Variants in FAT3 observed in about 807,000 individuals in gnomAD.
FAT3 encodes the protein FAT atypical cadherin 3.
In FAT3, 95 loss-of-function variants were observed where a neutral mutation model predicts 310.2. That is an observed-to-expected ratio of 0.31 (90% CI 0.26 to 0.36). FAT3 has a LOEUF of 0.36. Ranked by LOEUF, FAT3 falls within the 10% of genes least tolerant of loss-of-function variation. FAT3 has a pLI of 1.00. For missense variants in FAT3, 5,408 were observed against 5,715.6 expected (o/e 0.95, Z 1.74); for synonymous variants, 2,314 against 2,192.9 (o/e 1.06, Z -1.54).
intron 3 of FAT3, among the ~76,000 whole-genome samples, chr11:92,541,480 G>T (rs181090366): frequency 6.6e-6 from 1 of 152,234 alleles, no homozygotes; most frequent in African/African-American, 2.4e-5. Flanking sequence ...ACTTGCCTCT[G>T]AGGAATTGAA....
Position 92,354,236 on chromosome 11 carries a change from G to A in FAT3, c.2124G>A (p.Leu708=), listed in dbSNP as rs1250052961. The A allele has an allele frequency of 1.2e-6, 2 of 1,613,714 alleles. No individual in the cohort carries two copies. The highest frequency in any genetic ancestry group is 1.7e-6 in the Non-Finnish European group (2 of 1,179,844). ...CAAAAGCAAATGGGAAACTGAATCT[G>A]GAAGATGGATTTCTTGACTTTTATT... is the stretch of plus-strand genomic sequence containing the variant. The part of the protein sequence containing the change: ...IKAKANGKLN[L]EDGFLDFYSI... The change falls in exon 2 of 28, where the codon CTG becomes CTA. Residue 708 remains leucine (L), a synonymous_variant. Coordinates refer to ENST00000525166, the MANE Select transcript of FAT3 (RefSeq NM_001367949.2).
chr11:92,644,194 A>G (rs1021106739), intron 3 of FAT3, among the ~76,000 whole-genome samples: 7 of 152,202 alleles, frequency 4.6e-5, no homozygotes, highest in African/African-American at 1.7e-4. Flanking sequence ...ATTGACATAT[A>G]GCATCTCTTT....
At chr11:92,294,854 C>A (rs1946807149) in intron 1 of FAT3, among the ~76,000 whole-genome samples, 1 of 152,036 alleles carries the variant, frequency 6.6e-6, no homozygotes, top group South Asian at 2.1e-4. Flanking sequence ...GGCATGCATT[C>A]CTCTCTGTTT....
intron 7 of FAT3, among the ~76,000 whole-genome samples, chr11:92,786,974 C>T (rs950046310): frequency 2.0e-5 from 3 of 152,162 alleles, no homozygotes; most frequent in Non-Finnish European, 4.4e-5. Context: ...ACACTACTGA[C>T]ATTTTGGGTC....
intron 2 of FAT3, among the ~76,000 whole-genome samples, chr11:92,491,147 A>G (rs1233869879): frequency 6.6e-6 from 1 of 152,046 alleles, no homozygotes; most frequent in African/African-American, 2.4e-5. Context: ...TGATTCCTCT[A>G]CTTAGATGTC....
intron 2 of FAT3, among the ~76,000 whole-genome samples, chr11:92,501,068 G>A (rs1277126390): frequency 2.6e-5 from 4 of 151,988 alleles, no homozygotes; most frequent in Non-Finnish European, 5.9e-5. Context: ...GACTGATAGT[G>A]CACAAGAAGG....
intron 4 of FAT3, among the ~76,000 whole-genome samples, chr11:92,745,625 A>G (rs1343266808): frequency 6.6e-6 from 1 of 152,046 alleles, no homozygotes; most frequent in Non-Finnish European, 1.5e-5. Context: ...AGGATGGGAA[A>G]TACTTTATTT....
At chr11:92,495,791 C>T (rs1952736160) in intron 2 of FAT3, among the ~76,000 whole-genome samples, 1 of 152,010 alleles carries the variant, frequency 6.6e-6, no homozygotes, top group African/African-American at 2.4e-5. Context: ...ACACTATGTA[C>T]ACAGTGTACT....
chr11:92,293,599 T>C (rs1946770284), intron 1 of FAT3, among the ~76,000 whole-genome samples: 1 of 147,878 alleles, frequency 6.8e-6, no homozygotes. Flanking sequence ...CATATTCTTT[T>C]ATTTAATATA....
intron 1 of FAT3, among the ~76,000 whole-genome samples, chr11:92,257,422 G>T (rs552366867): frequency 6.6e-6 from 1 of 152,098 alleles, no homozygotes; most frequent in Non-Finnish European, 1.5e-5. Flanking sequence ...CTGGAAAATT[G>T]CTGGAGAGTG....
Position 92,762,077 on chromosome 11 carries a change from T to C in FAT3, c.3891T>C (p.Asp1297=). 1.2e-6 allele frequency: 2 copies of C among 1,613,964 alleles called. No individual in the cohort carries two copies. Among genetic ancestry groups the C allele is most frequent in the Non-Finnish European group, 1.7e-6 (2 of 1,179,868 alleles). The change falls in exon 5 of 28, where the codon GAT becomes GAC. Residue 1297 remains aspartate, a synonymous_variant. Transcript: ENST00000525166. ...PNAEISYSIV[D]GNDDGKFFID... Reference sequence around the variant, plus strand: ...CAGAAATCTCCTACAGTATTGTGGATGGGAATGATGACGGAAAGTTCTTTA... The same window carrying C: ...CAGAAATCTCCTACAGTATTGTGGACGGGAATGATGACGGAAAGTTCTTTA...
intron 2 of FAT3, among the ~76,000 whole-genome samples, chr11:92,432,992 G>A (rs1247804099): frequency 6.6e-6 from 1 of 152,178 alleles, no homozygotes; most frequent in Non-Finnish European, 1.5e-5. Flanking sequence ...ACTACGTTGG[G>A]CTCTGTCCAG....
chr11:92,844,075 A>G lies in FAT3; in HGVS notation c.10708A>G (p.Ile3570Val). ...TMEDDFPGGV[I>V]GKIHATDQDM... ...GGAGGATGACTTTCCTGGTGGGGTC[A>G]TTGGGAAGATTCATGCCACAGATCA... is the stretch of plus-strand genomic sequence containing the variant. Residue 3570 changes from isoleucine to valine, a missense_variant, in exon 19 of 28, where the codon ATT becomes GTT. Transcript: ENST00000525166. The G allele has an allele frequency of 1.2e-6, 2 of 1,613,994 alleles. 1 individual carries two copies. Among genetic ancestry groups the G allele is most frequent in the Middle Eastern group, 3.3e-4 (2 of 6,062 alleles).
intron 1 of FAT3, among the ~76,000 whole-genome samples, chr11:92,312,322 G>C (rs1264264878): frequency 6.6e-6 from 1 of 152,222 alleles, no homozygotes; most frequent in Non-Finnish European, 1.5e-5. Context: ...TGACAGGACA[G>C]TGGATAAGTG....
intron 2 of FAT3, among the ~76,000 whole-genome samples, chr11:92,412,732 T>TACACACACAC (rs1196404353): frequency 6.1e-4 from 11 of 17,952 alleles, no homozygotes; most frequent in African/African-American, 1.2e-3. Flanking sequence ...TATATATATA[T>TACACACACAC]ATATATATAT....
chr11:92,850,714 A>C (rs991965882), intron 19 of FAT3, among the ~76,000 whole-genome samples: 5 of 152,240 alleles, frequency 3.3e-5, no homozygotes, highest in Admixed American at 6.5e-5. Flanking sequence ...AGGTTGAATC[A>C]GCTTAAAGTG....
intron 4 of FAT3, among the ~76,000 whole-genome samples, chr11:92,707,928 A>C (rs1844261192): frequency 1.3e-5 from 2 of 152,178 alleles, no homozygotes; most frequent in Non-Finnish European, 2.9e-5. Flanking sequence ...TTCTATTAAT[A>C]ATCAGGAAAA....
At chr11:92,608,683 G>T (rs1052727561) in intron 3 of FAT3, among the ~76,000 whole-genome samples, 3 of 144,710 alleles carry the variant, frequency 2.1e-5, no homozygotes, top group Non-Finnish European at 4.6e-5. Context: ...TAAATAGTGA[G>T]ATAATATTCT....
intron 3 of FAT3, among the ~76,000 whole-genome samples, chr11:92,623,976 A>G (rs1012486190): frequency 6.6e-6 from 1 of 152,200 alleles, no homozygotes; most frequent in African/African-American, 2.4e-5. Flanking sequence ...CTTACCCCGT[A>G]TAACAGATAT....
Sources: gnomAD v4.1 joint callset for allele counts (sites outside exome capture counted in the v4.1 genomes callset) on GRCh38, gnomAD v4.1.1 for gene constraint, MANE v1.5 for transcripts, NCBI Gene and HGNC (gene_info 2026-07-23, HGNC 2026-07-21) for gene names.